SEMA3E: variants seen among roughly 807,000 people sequenced by gnomAD.
SEMA3E encodes semaphorin-3E.
In SEMA3E, 49 loss-of-function variants were observed where a neutral mutation model predicts 93.6. That is an observed-to-expected ratio of 0.52 (90% CI 0.42 to 0.66). SEMA3E has a LOEUF of 0.66. SEMA3E is among the 30% of genes least tolerant of loss of function. The pLI is 0.00. For missense variants in SEMA3E, 906 were observed against 964.8 expected (o/e 0.94, Z 0.81); for synonymous variants, 363 against 330.7 (o/e 1.10, Z -1.06).
intron 4 of SEMA3E, among the ~76,000 whole-genome samples, chr7:83,444,285 C>T (rs374816193): frequency 5.9e-5 from 9 of 152,220 alleles, no homozygotes; most frequent in African/African-American, 7.2e-5. Context: ...CACAAAATCT[C>T]GTGATTGTCT....
At chr7:83,404,554 C>T (rs1337576035) in intron 9 of SEMA3E, among the ~76,000 whole-genome samples, 1 of 151,910 alleles carries the variant, frequency 6.6e-6, no homozygotes, top group Non-Finnish European at 1.5e-5. Flanking sequence ...TCTATATAAC[C>T]TTTTAACAAA....
intron 1 of SEMA3E, among the ~76,000 whole-genome samples, chr7:83,496,463 A>G (rs1380282773): frequency 6.6e-6 from 1 of 152,082 alleles, no homozygotes; most frequent in Non-Finnish European, 1.5e-5. Context: ...TTCAACTTTA[A>G]TCACCTTTAT....
chr7:83,481,132 CT>C (rs994945484), intron 2 of SEMA3E, among the ~76,000 whole-genome samples: 10 of 151,828 alleles, frequency 6.6e-5, no homozygotes, highest in South Asian at 2.1e-4. Flanking sequence ...CTTATAAACA[CT>C]TTTTTTTAAG....
intron 14 of SEMA3E, among the ~76,000 whole-genome samples, chr7:83,387,904 A>G (rs1787915232): frequency 6.8e-6 from 1 of 146,980 alleles, no homozygotes; most frequent in African/African-American, 2.5e-5. Context: ...CATTATATAT[A>G]TAAAATTCCA....
At chr7:83,382,346 T>C (rs1787792527) in intron 16 of SEMA3E, among the ~76,000 whole-genome samples, 1 of 151,998 alleles carries the variant, frequency 6.6e-6, no homozygotes, top group South Asian at 2.1e-4. Flanking sequence ...TAGCACTGAA[T>C]GTGAAACAGC....
At chr7:83,376,066 AT>A (rs1442740297) in intron 16 of SEMA3E, among the ~76,000 whole-genome samples, 5 of 152,138 alleles carry the variant, frequency 3.3e-5, no homozygotes, top group African/African-American at 1.2e-4. Flanking sequence ...AGATGAGCAC[AT>A]TTTTTAAATA....
At chr7:83,410,755 C>A (rs1788423624) in intron 5 of SEMA3E, among the ~76,000 whole-genome samples, 1 of 152,006 alleles carries the variant, frequency 6.6e-6, no homozygotes, top group Non-Finnish European at 1.5e-5. Context: ...GCATAAACAA[C>A]CAAGTTGACA....
chr7:83,495,128 T>C (rs1790462941), intron 1 of SEMA3E, among the ~76,000 whole-genome samples: 1 of 151,930 alleles, frequency 6.6e-6, no homozygotes, highest in Non-Finnish European at 1.5e-5. Context: ...GTTGGCCTGC[T>C]GTCGATAGCT....
At chr7:83,633,262 A>G (rs1329303556) in intron 1 of SEMA3E, among the ~76,000 whole-genome samples, 1 of 151,926 alleles carries the variant, frequency 6.6e-6, no homozygotes, top group African/African-American at 2.4e-5. Flanking sequence ...CTTAGCAATT[A>G]CTATGTGCCA....
chr7:83,381,488 T>C (rs1787776101), intron 16 of SEMA3E, among the ~76,000 whole-genome samples: 1 of 152,126 alleles, frequency 6.6e-6, no homozygotes, highest in Non-Finnish European at 1.5e-5. Context: ...AGTGAGGCCT[T>C]CTATGGCCAC....
chr7:83,619,071 A>C (rs1793490502), intron 1 of SEMA3E, among the ~76,000 whole-genome samples: 1 of 151,846 alleles, frequency 6.6e-6, no homozygotes, highest in Admixed American at 6.6e-5. Flanking sequence ...TGTTAAAATC[A>C]TTCTTTTATT....
At chr7:83,469,510 C>CT (rs1327654470) in intron 2 of SEMA3E, among the ~76,000 whole-genome samples, 10 of 150,202 alleles carry the variant, frequency 6.7e-5, no homozygotes, top group Non-Finnish European at 1.3e-4. Flanking sequence ...ATGATAAATC[C>CT]TTTTTTTTCT....
At chr7:83,454,257 CAA>C (rs1157801830) in intron 4 of SEMA3E, among the ~76,000 whole-genome samples, 5 of 44,970 alleles carry the variant, frequency 1.1e-4, no homozygotes, top group African/African-American at 4.0e-4. Flanking sequence ...GACTCCGACT[CAA>C]AAAAAAAAAA....
intron 1 of SEMA3E, among the ~76,000 whole-genome samples, chr7:83,545,084 C>T (rs912459561): frequency 3.9e-5 from 6 of 151,938 alleles, no homozygotes; most frequent in African/African-American, 1.5e-4. Context: ...GATATGATGG[C>T]CTTGCTAAAT....
intron 1 of SEMA3E, among the ~76,000 whole-genome samples, chr7:83,586,229 T>C (rs1792623990): frequency 6.6e-6 from 1 of 152,134 alleles, no homozygotes; most frequent in South Asian, 2.1e-4. Flanking sequence ...TTGTATATAT[T>C]ACAGAAAGCA....
chr7:83,561,048 T>C (rs215271), intron 1 of SEMA3E, among the ~76,000 whole-genome samples: 82,378 of 151,768 alleles, frequency 0.54, 23,348 homozygotes, highest in African/African-American at 0.7. Context: ...GAAATGTTAG[T>C]GCCCTTTTTT....
chr7:83,610,465 A>G (rs536483912), intron 1 of SEMA3E, among the ~76,000 whole-genome samples: 14 of 152,184 alleles, frequency 9.2e-5, no homozygotes, highest in Non-Finnish European at 1.8e-4. Flanking sequence ...AATCTTATAG[A>G]TATTATAAAT....
At chr7:83,379,676 C>T (rs1454235969) in intron 16 of SEMA3E, among the ~76,000 whole-genome samples, 1 of 151,766 alleles carries the variant, frequency 6.6e-6, no homozygotes, top group Non-Finnish European at 1.5e-5. Context: ...TGTCTAAGGG[C>T]CCCAAATTAA....
Position 83,365,938 on chromosome 7 carries a change from G to A in SEMA3E, c.*1648C>T, listed in dbSNP as rs1430754118. 6.6e-6 allele frequency: 1 copy of A among 152,086 alleles called. No individual in the cohort carries two copies. The highest frequency in any genetic ancestry group is 1.5e-5 in the Non-Finnish European group (1 of 67,978). 9.4% of individuals were successfully genotyped at this position (152,086 alleles called of 1,614,324 possible). Reference sequence around the variant, plus strand: ...TCTTTTCAGTTATTATTTAATGGCAGTAATGACCTCCAGTGGATTCTTGGG... The same window carrying A: ...TCTTTTCAGTTATTATTTAATGGCAATAATGACCTCCAGTGGATTCTTGGG... On this transcript the variant is annotated 3_prime_UTR_variant, in exon 17 of 17. Transcript: ENST00000643230.
Sources: allele counts gnomAD v4.1 joint callset (sites outside exome capture counted in the v4.1 genomes callset), GRCh38; gene constraint gnomAD v4.1.1; transcripts MANE v1.5; gene names NCBI Gene and HGNC (gene_info 2026-07-23, HGNC 2026-07-21).